Variants in TSPAN16 observed in about 807,000 individuals in gnomAD.
TSPAN16 encodes tetraspanin-16.
A neutral mutation model predicts 25.2 loss-of-function variants in TSPAN16; 23 were observed. The ratio of observed to expected loss-of-function variants is 0.91; its 90% CI spans 0.66 to 1.29. TSPAN16 has a LOEUF of 1.29. Ranked by LOEUF, TSPAN16 falls within the 50% of genes most tolerant of loss-of-function variation. The probability of loss-of-function intolerance (pLI) is 0.00; values close to 1 mark genes in which losing one functional copy is unlikely to be tolerated. For synonymous variants in TSPAN16, 123 were observed against 124.4 expected (o/e 0.99, Z 0.08); for missense variants, 272 against 299.9 (o/e 0.91, Z 0.69).
At chr19:11,316,051 T>C, downstream of TSPAN16, 2 of 817,882 alleles carry the variant, frequency 2.4e-6, no homozygotes, top group Non-Finnish European at 3.2e-6. Context: ...CTATGCCCTT[T>C]CTCATACAAC....
chr19:11,314,262 A>G (rs2080722769), intron 6 of TSPAN16, among the ~76,000 whole-genome samples: 1 of 152,212 alleles, frequency 6.6e-6, no homozygotes, highest in African/African-American at 2.4e-5. Context: ...CTTAAGTTAT[A>G]TAGTAGTGAT....
intron 5 of TSPAN16, among the ~76,000 whole-genome samples, chr19:11,311,025 C>T (rs960309643): frequency 6.6e-5 from 10 of 151,946 alleles, no homozygotes; most frequent in African/African-American, 9.7e-5. Context: ...TTTGTAGAGA[C>T]GGGGTTTCGC....
intron 6 of TSPAN16, chr19:11,322,549 A>T (rs1453083961): frequency 6.6e-6 from 1 of 152,206 alleles, no homozygotes; most frequent in Non-Finnish European, 1.5e-5. Flanking sequence ...CTGTAAACTC[A>T]ACAAACCTCC....
chr19:11,303,265 CT>C (rs2080585916), intron 4 of TSPAN16, among the ~76,000 whole-genome samples: 1 of 141,222 alleles, frequency 7.1e-6, no homozygotes, highest in African/African-American at 2.9e-5. Flanking sequence ...ACCCCCAACC[CT>C]GTGCTCTCTG....
chr19:11,322,753 G>GA (rs891098674), intron 6 of TSPAN16: 157 of 152,280 alleles, frequency 1.0e-3, no homozygotes, highest in African/African-American at 3.7e-3. Flanking sequence ...TTGAATTCTT[G>GA]AAAAATCTTA....
chr19:11,320,757 A>T (rs1450361985), downstream of TSPAN16, among the ~76,000 whole-genome samples: 1 of 152,088 alleles, frequency 6.6e-6, no homozygotes, highest in Non-Finnish European at 1.5e-5. Context: ...GGGAGGGGGC[A>T]GTGAGAAAGT....
chr19:11,320,979 G>A (rs1186989934), intron 6 of TSPAN16, among the ~76,000 whole-genome samples: 10 of 152,048 alleles, frequency 6.6e-5, no homozygotes, highest in Admixed American at 4.6e-4. Context: ...GACCAGCCTG[G>A]CCAACGTGGT....
At chr19:11,299,392 G>A (rs7255856) in intron 3 of TSPAN16, among the ~76,000 whole-genome samples, 5,220 of 152,190 alleles carry the variant, frequency 0.034, 303 homozygotes, top group African/African-American at 0.12. Flanking sequence ...CACCTTTGAT[G>A]GTGTGAGAAG....
At chr19:11,304,180 G>C (rs923606862) in intron 4 of TSPAN16, among the ~76,000 whole-genome samples, 12 of 151,614 alleles carry the variant, frequency 7.9e-5, no homozygotes, top group African/African-American at 2.9e-4. Context: ...TGGCCTTTAA[G>C]TGTTATTTAA....
intron 6 of TSPAN16, chr19:11,324,101 G>A (rs1011970173): frequency 5.9e-5 from 9 of 152,106 alleles, no homozygotes; most frequent in Non-Finnish European, 8.8e-5. Context: ...TGTCTACAAA[G>A]TACAAGCAGT....
intron 3 of TSPAN16, 131 bp from the exon 4 acceptor site, chr19:11,301,070 G>A: frequency 1.4e-6 from 1 of 700,052 alleles, no homozygotes; most frequent in South Asian, 1.7e-5. Context: ...AGACCCCTGA[G>A]CTGAGGGTAG....
chr19:11,297,276 A>G (rs1397008223), intron 1 of TSPAN16, among the ~76,000 whole-genome samples: 3 of 152,114 alleles, frequency 2.0e-5, no homozygotes, highest in Non-Finnish European at 4.4e-5. Context: ...AGCTATAGTG[A>G]GATCCCCATC....
chr19:11,312,866 G>C (rs968926421), intron 6 of TSPAN16, among the ~76,000 whole-genome samples: 1 of 152,110 alleles, frequency 6.6e-6, no homozygotes, highest in Non-Finnish European at 1.5e-5. Context: ...CATCACTACT[G>C]ACCTTACAGA....
At position 11,315,963 on chromosome 19, in the gene TSPAN16, C is replaced by A. The variant is rs322141; in HGVS notation, c.*125C>A. On this transcript the variant is annotated 3_prime_UTR_variant, in exon 7 of 7. Coordinates refer to ENST00000590327, the MANE Select transcript of TSPAN16 (RefSeq NM_001282509.2). ...AGACTGTTAATAAAAGATTTGGGAA[C>A]CCCCTGTCCAGCCTGACTTCTTTCT... is the stretch of plus-strand genomic sequence containing the variant. 597,898 of 1,226,294 alleles carry A rather than the reference C, an allele frequency of 0.49. 149,872 individuals carry two copies. The highest frequency in any genetic ancestry group is 0.74 in the African/African-American group (47,615 of 64,138). The allele number at this position is 1,226,294 out of a possible 1,614,324, so 76.0% of individuals were successfully genotyped here.
chr19:11,325,690 C>T, intron 6 of TSPAN16: 1 of 1,095,340 alleles, frequency 9.1e-7, no homozygotes, highest in Non-Finnish European at 1.3e-6. Context: ...GCTCTTTATC[C>T]TGCTGTGGGA....
chr19:11,296,875 T>C (rs544466695), intron 1 of TSPAN16, among the ~76,000 whole-genome samples: 123 of 151,680 alleles, frequency 8.1e-4, no homozygotes, highest in Non-Finnish European at 1.4e-3. Flanking sequence ...CCATCTCTAC[T>C]AAAAATACAA....
intron 4 of TSPAN16, among the ~76,000 whole-genome samples, chr19:11,306,368 AT>A (rs1003845208): frequency 2.0e-5 from 3 of 151,480 alleles, no homozygotes; most frequent in African/African-American, 7.3e-5. Context: ...TAATTTTTAA[AT>A]TTTTTTGCCG....
At chr19:11,314,112 C>A (rs1273665541) in intron 6 of TSPAN16, among the ~76,000 whole-genome samples, 1 of 151,976 alleles carries the variant, frequency 6.6e-6, no homozygotes, top group Admixed American at 6.6e-5. Context: ...TTATATGATT[C>A]CATTATATAA....
At chr19:11,310,515 CAAAAAA>C (rs71164183) in intron 5 of TSPAN16, among the ~76,000 whole-genome samples, 1 of 117,052 alleles carries the variant, frequency 8.5e-6, no homozygotes, top group African/African-American at 3.0e-5. Context: ...AATTCCGTCT[CAAAAAA>C]AAAAAAAAAA....
Sources: gnomAD v4.1 joint callset for allele counts (sites outside exome capture counted in the v4.1 genomes callset) on GRCh38, gnomAD v4.1.1 for gene constraint, MANE v1.5 for transcripts, NCBI Gene and HGNC (gene_info 2026-07-23, HGNC 2026-07-21) for gene names.